The following BICRAL variants were observed in gnomAD, a reference collection of about 807,000 sequenced individuals.
BICRAL encodes BICRA like chromatin remodeling complex associated protein, also known as BRD4-interacting chromatin-remodeling complex-associated protein-like.
In BICRAL, 8 loss-of-function variants were observed where a neutral mutation model predicts 91.8. The observed-to-expected ratio is 0.09, with a 90% CI of 0.05 to 0.16. BICRAL has a LOEUF of 0.16. Among genes scored for constraint, BICRAL ranks in the 10% least tolerant of loss-of-function variants. BICRAL has a pLI of 1.00. For missense variants in BICRAL, 1,038 were observed against 1,310.9 expected, an observed-to-expected ratio of 0.79 and a Z score of 3.21; for synonymous variants, 445 against 491.1, an observed-to-expected ratio of 0.91 and a Z score of 1.24.
chr6:42,766,722 C>T (rs974943970), intron 1 of BICRAL, among the ~76,000 whole-genome samples: 6 of 151,974 alleles, frequency 3.9e-5, no homozygotes, highest in South Asian at 2.1e-4. Flanking sequence ...ACCAGTAATC[C>T]GAGCTACTCG....
intron 6 of BICRAL, among the ~76,000 whole-genome samples, chr6:42,849,830 T>A (rs1765124430): frequency 6.6e-6 from 1 of 151,814 alleles, no homozygotes; most frequent in Admixed American, 6.6e-5. Flanking sequence ...GGCAGGTGGA[T>A]CACTTGAGGT....
intron 1 of BICRAL, among the ~76,000 whole-genome samples, chr6:42,786,806 C>T (rs973262532): frequency 6.6e-6 from 1 of 152,066 alleles, no homozygotes; most frequent in African/African-American, 2.4e-5. Context: ...GGAACAAGTT[C>T]AAAGACCTGG....
intron 1 of BICRAL, among the ~76,000 whole-genome samples, chr6:42,752,258 A>G (rs897342640): frequency 1.3e-5 from 2 of 152,024 alleles, no homozygotes; most frequent in Admixed American, 6.6e-5. Flanking sequence ...TTTTTTCATC[A>G]TTGTACACTT....
At chr6:42,831,366 G>A (rs1489796062) in intron 6 of BICRAL, among the ~76,000 whole-genome samples, 1 of 152,176 alleles carries the variant, frequency 6.6e-6, no homozygotes, top group Non-Finnish European at 1.5e-5. Context: ...CCAGAGGGAA[G>A]CACATAAAGG....
upstream of BICRAL, among the ~76,000 whole-genome samples, chr6:42,779,119 A>G (rs1026407520): frequency 2.6e-5 from 4 of 151,604 alleles, no homozygotes; most frequent in Admixed American, 6.6e-5. Context: ...AGGAAGGCTG[A>G]GGCTAGAGGA....
rs966589298 is a variant in BICRAL at position 42,851,530 on chromosome 6, T to C, written c.1840-562T>C. On this transcript the variant is annotated intron_variant, in intron 6 of 12. Coordinates refer to ENST00000314073, the MANE Select transcript of BICRAL (RefSeq NM_001393499.1). Reference sequence around the variant, plus strand: ...TAATTATATTTTGCTCAGGCTAATATTAAATTGATTTTCATTTCTCAATTG... The same window carrying C: ...TAATTATATTTTGCTCAGGCTAATACTAAATTGATTTTCATTTCTCAATTG... Among the ~76,000 whole-genome samples, 6 of 152,250 alleles carry C rather than the reference T, an allele frequency of 3.9e-5. No homozygotes were observed. The East Asian group carries it at 7.7e-4, about 19-fold the overall frequency.
intron 1 of BICRAL, among the ~76,000 whole-genome samples, chr6:42,766,769 C>T (rs532984552): frequency 6.6e-6 from 1 of 151,862 alleles, no homozygotes; most frequent in East Asian, 1.9e-4. Context: ...TGCCGGGTGC[C>T]GTGGCTCACA....
Position 42,829,302 on chromosome 6 carries a change from A to G in BICRAL, c.969A>G (p.Gln323=). Reference sequence around the variant, plus strand: ...CAAAGCCTATCCAGATGGGTCAGCAAAATACATACAATGTGAACAATTTGG... The same window carrying G: ...CAAAGCCTATCCAGATGGGTCAGCAGAATACATACAATGTGAACAATTTGG... The part of the protein sequence containing the change: ...IQPKPIQMGQ[Q]NTYNVNNLGI... The change falls in exon 6 of 13, where the codon CAA becomes CAG. Residue 323 remains glutamine, a synonymous_variant. Transcript: ENST00000314073. The G allele has an allele frequency of 1.9e-6, 3 of 1,614,258 alleles. No homozygotes were observed. Among genetic ancestry groups the G allele is most frequent in the Non-Finnish European group, 2.5e-6 (3 of 1,180,054 alleles).
At chr6:42,863,602 G>T (rs948198288) in intron 12 of BICRAL, among the ~76,000 whole-genome samples, 1 of 152,158 alleles carries the variant, frequency 6.6e-6, no homozygotes, top group African/African-American at 2.4e-5. Flanking sequence ...CTGTTTCCTG[G>T]TGTCTATCAC....
At chr6:42,836,624 T>C (rs986631038) in intron 6 of BICRAL, among the ~76,000 whole-genome samples, 9 of 148,278 alleles carry the variant, frequency 6.1e-5, no homozygotes, top group African/African-American at 1.2e-4. Context: ...AGTTTCTTTT[T>C]TTTTTTTTTT....
At chr6:42,817,160 GTGTGTGTGTGTGTATATA>G (rs1211086131) in intron 2 of BICRAL, among the ~76,000 whole-genome samples, 2 of 151,546 alleles carry the variant, frequency 1.3e-5, no homozygotes, top group African/African-American at 2.4e-5. Flanking sequence ...GTGTGTGTGT[GTGTGTGTGTGTGTATATA>G]TGTGTGTGTG....
chr6:42,753,160 C>A (rs1482106978), intron 1 of BICRAL, among the ~76,000 whole-genome samples: 1 of 151,802 alleles, frequency 6.6e-6, no homozygotes, highest in African/African-American at 2.4e-5. Context: ...CTCCTGACCT[C>A]AGGTGATCCA....
At chr6:42,782,909 T>C (rs1161820319) in intron 1 of BICRAL, among the ~76,000 whole-genome samples, 2 of 148,374 alleles carry the variant, frequency 1.3e-5, no homozygotes, top group Non-Finnish European at 3.0e-5. Context: ...TTCTTTTCTC[T>C]CTCGGAAGCT....
At chr6:42,807,031 A>G (rs1485797925) in intron 1 of BICRAL, among the ~76,000 whole-genome samples, 1 of 151,582 alleles carries the variant, frequency 6.6e-6, no homozygotes, top group African/African-American at 2.4e-5. Flanking sequence ...CGGTTTTGCC[A>G]TGTTGGCCAG....
At chr6:42,857,279 AACCCTCCATGGAC>A in intron 10 of BICRAL, 43 bp downstream of exon 10, 1 of 1,549,364 alleles carries the variant, frequency 6.5e-7, no homozygotes, top group Non-Finnish European at 8.8e-7. Flanking sequence ...GATACCAGGA[AACCCTCCATGGAC>A]ACCCCCCAGA....
At chr6:42,833,339 C>T (rs544313900) in intron 6 of BICRAL, among the ~76,000 whole-genome samples, 18 of 152,188 alleles carry the variant, frequency 1.2e-4, no homozygotes, top group African/African-American at 3.9e-4. Context: ...TGAGCCACCG[C>T]GCCCGGCCCA....
In BICRAL at chr6:42,828,584, T is replaced by G; in HGVS notation, c.251T>G (p.Phe84Cys). The G allele has an allele frequency of 6.2e-7, 1 of 1,614,118 alleles. No homozygotes were observed. The highest frequency in any genetic ancestry group is 8.5e-7 in the Non-Finnish European group (1 of 1,180,014). The stretch of plus-strand genomic sequence containing the variant: ...CTGCCACTTTCAAGTAGCCTCCAGT[T>G]TCTTGAAGATGAACTCGAGTCTTCT... The part of the protein sequence containing the change: ...DGLPLSSSLQ[F>C]LEDELESSPL... Residue 84 changes from phenylalanine (F) to cysteine (C), a missense_variant, in exon 6 of 13, where the codon TTT becomes TGT. This residue lies in a region of BICRAL where 115 missense variants were observed against 121.5 expected (regional missense o/e 0.95). Transcript: ENST00000314073.
chr6:42,864,623 ATCAC>A (rs1200475910), intron 12 of BICRAL, 32 bp from the exon 13 acceptor site: 2 of 1,568,002 alleles, frequency 1.3e-6, no homozygotes, highest in Non-Finnish European at 1.7e-6. Context: ...TCCTCTCCCA[ATCAC>A]TCACTAATGT....
At chr6:42,757,970 A>G (rs150607234) in intron 1 of BICRAL, among the ~76,000 whole-genome samples, 5 of 152,302 alleles carry the variant, frequency 3.3e-5, no homozygotes, top group African/African-American at 1.2e-4. Flanking sequence ...CTGCCTGTGT[A>G]ATCATGAGAC....
Sources: gnomAD v4.1 joint callset for allele counts (sites outside exome capture counted in the v4.1 genomes callset) on GRCh38, gnomAD v4.1.1 for gene constraint, gnomAD v4.1.1 regional missense constraint, MANE v1.5 for transcripts, NCBI Gene and HGNC (gene_info 2026-07-23, HGNC 2026-07-21) for gene names.